The following MINDY4 variants were observed in gnomAD, a reference collection of about 807,000 sequenced individuals.
MINDY4 encodes MINDY lysine 48 deubiquitinase 4, also known as probable ubiquitin carboxyl-terminal hydrolase MINDY-4.
A neutral mutation model predicts 87.0 loss-of-function variants in MINDY4; 68 were observed. The observed-to-expected ratio is 0.78, with a 90% CI of 0.64 to 0.96. The LOEUF (loss-of-function observed/expected upper bound fraction) is 0.96. MINDY4 is among the 40% of genes least tolerant of loss of function. MINDY4 has a pLI of 0.00. For missense variants in MINDY4, 919 were observed against 928.2 expected (o/e 0.99, Z 0.13); for synonymous variants, 379 against 363.2 (o/e 1.04, Z -0.50).
intron 5 of MINDY4, among the ~76,000 whole-genome samples, chr7:30,819,290 A>G (rs1309875993): frequency 6.6e-6 from 1 of 152,118 alleles, no homozygotes; most frequent in Non-Finnish European, 1.5e-5. Flanking sequence ...TTTCTTTAAA[A>G]TTTTCTAATG....
chr7:30,858,975 A>T (rs1244272984), intron 12 of MINDY4: 4 of 674,740 alleles, frequency 5.9e-6, no homozygotes, highest in South Asian at 4.5e-5. Context: ...GGAGCTGGCC[A>T]TGACTGTTGC....
intron 1 of MINDY4, among the ~76,000 whole-genome samples, chr7:30,774,204 A>G (rs966762795): frequency 1.3e-5 from 2 of 152,150 alleles, no homozygotes; most frequent in African/African-American, 4.8e-5. Flanking sequence ...CTCCTTCCCC[A>G]TCTAATTTCA....
intron 3 of MINDY4, among the ~76,000 whole-genome samples, chr7:30,783,624 C>A (rs983372307): frequency 2.0e-5 from 3 of 152,138 alleles, no homozygotes; most frequent in Non-Finnish European, 4.4e-5. Flanking sequence ...ATGTGAAAAT[C>A]TTTGGGGGGG....
At chr7:30,780,377 C>G (rs1786970724) in intron 2 of MINDY4, 1 of 152,148 alleles carries the variant, frequency 6.6e-6, no homozygotes, top group African/African-American at 2.4e-5. Context: ...CCTAATTTCC[C>G]AAAAGTGTCT....
chr7:30,778,666 C>G (rs1786903067), intron 2 of MINDY4, 115 bp downstream of exon 2: 4 of 1,277,464 alleles, frequency 3.1e-6, no homozygotes, highest in Middle Eastern at 2.4e-4. Flanking sequence ...GCCTGTCACA[C>G]TTGCGGTCAG....
chr7:30,837,881 A>G (rs560935487), intron 7 of MINDY4, among the ~76,000 whole-genome samples: 5 of 152,324 alleles, frequency 3.3e-5, no homozygotes, highest in Admixed American at 3.3e-4. Context: ...ATGAATCCAC[A>G]CATCCTTTCT....
chr7:30,810,174 C>CAA (rs58498956), intron 5 of MINDY4, among the ~76,000 whole-genome samples: 18,413 of 66,728 alleles, frequency 0.28, 3,200 homozygotes, highest in Non-Finnish European at 0.34. Context: ...GACTCTGTTT[C>CAA]AAAAAAAAAA....
intron 17 of MINDY4, among the ~76,000 whole-genome samples, chr7:30,886,471 A>C (rs1253881949): frequency 1.3e-5 from 2 of 152,170 alleles, no homozygotes; most frequent in African/African-American, 4.8e-5. Context: ...GCTTGGCTCT[A>C]CAGAAAGGCC....
intron 5 of MINDY4, among the ~76,000 whole-genome samples, chr7:30,798,981 C>T (rs966061755): frequency 6.6e-6 from 1 of 152,180 alleles, no homozygotes; most frequent in Non-Finnish European, 1.5e-5. Context: ...GAGGCTTCCA[C>T]ACCAGGACTA....
chr7:30,828,599 CATCGCTCTT>C, intron 5 of MINDY4, 71 bp from the exon 6 acceptor site: 1 of 1,413,912 alleles, frequency 7.1e-7, no homozygotes, highest in Non-Finnish European at 1.0e-6. Context: ...AATGCCTATC[CATCGCTCTT>C]AACAGTCTTC....
chr7:30,811,801 G>A (rs1375223917), intron 5 of MINDY4, among the ~76,000 whole-genome samples: 2 of 152,086 alleles, frequency 1.3e-5, no homozygotes, highest in Non-Finnish European at 2.9e-5. Context: ...TTGCTCAATC[G>A]ATCACGACCC....
chr7:30,841,030 T>A, intron 9 of MINDY4, among the ~76,000 whole-genome samples, 182 bp downstream of exon 9: 1 of 152,198 alleles, frequency 6.6e-6, no homozygotes, highest in South Asian at 2.1e-4. Flanking sequence ...AGGGGACTTG[T>A]GCGCGTTTGT....
Position 30,854,748 on chromosome 7 carries a change from G to T in MINDY4, c.1677+1289G>T, listed in dbSNP as rs113634765. ...CTTTCCCAAAGACCCTGAAGGCCTG[G>T]GCACAGCCCTGGGAAATGATCAGGC... is the stretch of plus-strand genomic sequence containing the variant. On this transcript the variant is annotated intron_variant, in intron 12 of 17. Coordinates refer to ENST00000265299, the MANE Select transcript of MINDY4 (RefSeq NM_032222.3). 6.3e-4 allele frequency among the ~76,000 whole-genome samples: 96 copies of T among 152,332 alleles called. 1 individual carries two copies. The highest frequency in any genetic ancestry group is 2.2e-3 in the African/African-American group (90 of 41,572).
At chr7:30,832,564 G>A (rs1275143946) in intron 6 of MINDY4, among the ~76,000 whole-genome samples, 4 of 152,070 alleles carry the variant, frequency 2.6e-5, no homozygotes, top group African/African-American at 9.7e-5. Flanking sequence ...GTGCAGTGGT[G>A]TAATCTCAGC....
At chr7:30,778,687 A>AC (rs1786904088) in intron 2 of MINDY4, 136 bp downstream of exon 2, 2 of 1,056,334 alleles carry the variant, frequency 1.9e-6, no homozygotes, top group African/African-American at 3.2e-5. Flanking sequence ...AGAGAAACGG[A>AC]CCCCCCAAAT....
chr7:30,879,632 C>T (rs1480156012), intron 15 of MINDY4, among the ~76,000 whole-genome samples: 1 of 152,252 alleles, frequency 6.6e-6, no homozygotes, highest in African/African-American at 2.4e-5. Flanking sequence ...GCACCCTCCA[C>T]CTGCCCAGCT....
At chr7:30,840,367 T>C (rs1788993807) in intron 8 of MINDY4, among the ~76,000 whole-genome samples, 1 of 152,136 alleles carries the variant, frequency 6.6e-6, no homozygotes, top group Non-Finnish European at 1.5e-5. Context: ...AGGAAAGGCT[T>C]CTTGGAGGAG....
At chr7:30,875,058 C>T (rs1039670176) in intron 14 of MINDY4, among the ~76,000 whole-genome samples, 5 of 152,200 alleles carry the variant, frequency 3.3e-5, no homozygotes, top group African/African-American at 4.8e-5. Context: ...CATGTGGCCT[C>T]GTGTTCATCT....
chr7:30,881,289 A>C (rs1790457031), intron 15 of MINDY4, among the ~76,000 whole-genome samples: 1 of 152,202 alleles, frequency 6.6e-6, no homozygotes, highest in African/African-American at 2.4e-5. Flanking sequence ...TCAAGATGCT[A>C]GCAACGTGCT....
Sources: allele counts gnomAD v4.1 joint callset (sites outside exome capture counted in the v4.1 genomes callset), GRCh38; gene constraint gnomAD v4.1.1; transcripts MANE v1.5; gene names NCBI Gene and HGNC (gene_info 2026-07-23, HGNC 2026-07-21).